SCN7A: variants seen among roughly 807,000 people sequenced by gnomAD.
SCN7A encodes sodium voltage-gated channel alpha subunit 7.
Under a neutral mutation model 155.2 loss-of-function variants are expected in SCN7A, and 138 were observed. That is an observed-to-expected ratio of 0.89 (90% CI 0.77 to 1.02). SCN7A has a LOEUF of 1.02. Among genes scored for constraint, SCN7A ranks in the 50% least tolerant of loss-of-function variants. SCN7A has a pLI of 0.00. For synonymous variants in SCN7A, 693 were observed against 649.0 expected (o/e 1.07, Z -1.03); for missense variants, 2,058 against 1,986.6 (o/e 1.04, Z -0.68).
intron 21 of SCN7A, among the ~76,000 whole-genome samples, chr2:166,414,964 A>G (rs867780442): frequency 3.1e-4 from 37 of 119,298 alleles, no homozygotes; most frequent in East Asian, 4.3e-4. Context: ...ATTATTATAT[A>G]GGATAATATA....
At chr2:166,409,962 A>C in intron 24 of SCN7A, 27 bp from the exon 25 acceptor site, 1 of 1,516,288 alleles carries the variant, frequency 6.6e-7, no homozygotes, top group Non-Finnish European at 8.9e-7. Context: ...CAGGTGTAAT[A>C]GTCTTATTAA....
At position 166,416,838 on chromosome 2, in the gene SCN7A, T is replaced by C; in HGVS notation, c.3283A>G (p.Arg1095Gly). 2 of 1,613,678 alleles carry C rather than the reference T, an allele frequency of 1.2e-6. No individual in the cohort carries two copies. The highest frequency in any genetic ancestry group is 1.7e-6 in the Non-Finnish European group (2 of 1,179,768). ...TTCATGACTTCAGATGAAGGAAACC[T>C]TTCTCCACTTGTTGGGTCAATGCAT... ...YECIDPTSGE[R>G]FPSSEVMNKS... The change falls in exon 21 of 26, where the codon AGG (arginine) becomes GGG (glycine). Residue 1095 changes from arginine to glycine, a missense_variant. Transcript: ENST00000643258.
At chr2:166,433,032 G>T (rs1465001349) in intron 15 of SCN7A, among the ~76,000 whole-genome samples, 1 of 151,970 alleles carries the variant, frequency 6.6e-6, no homozygotes, top group Non-Finnish European at 1.5e-5. Context: ...CCATCATTCT[G>T]CTCTCTACTT....
intron 9 of SCN7A, among the ~76,000 whole-genome samples, chr2:166,463,238 C>T (rs1232400821): frequency 3.3e-5 from 5 of 152,042 alleles, no homozygotes; most frequent in Non-Finnish European, 7.4e-5. Context: ...TTAGGGAGTC[C>T]TCATATTTCT....
At chr2:166,466,514 T>G (rs1313168897) in intron 7 of SCN7A, among the ~76,000 whole-genome samples, 1 of 152,136 alleles carries the variant, frequency 6.6e-6, no homozygotes, top group Non-Finnish European at 1.5e-5. Context: ...AACTCAAACC[T>G]AAAGCTGGCT....
Position 166,441,387 on chromosome 2 carries a change from A to C in SCN7A, c.2157+9T>G. Reference sequence around the variant, plus strand: ...TTTCATGGAAAATGTAAAAGAATTGACTACTTACCAGTAAATTTCCAATTA... The same window carrying C: ...TTTCATGGAAAATGTAAAAGAATTGCCTACTTACCAGTAAATTTCCAATTA... On this transcript the variant is annotated intron_variant, in intron 15 of 25. Transcript: ENST00000643258. 3.2e-6 allele frequency: 5 copies of C among 1,545,094 alleles called. 1 individual carries two copies. The South Asian group carries it at 4.9e-5, about 15-fold the overall frequency.
chr2:166,450,093 A>C (rs553317121), intron 11 of SCN7A, among the ~76,000 whole-genome samples: 2 of 152,346 alleles, frequency 1.3e-5, no homozygotes, highest in African/African-American at 4.8e-5. Context: ...GACTAAATAA[A>C]GAAAATGTAG....
rs1044573742 is a variant in SCN7A at position 166,406,283 on chromosome 2, G to C, written c.4346C>G (p.Ser1449Cys). The change falls in exon 26 of 26, where the codon TCT (serine) becomes TGT (cysteine). Residue 1449 changes from serine to cysteine, a missense_variant. Physicochemically the swap from Ser to Cys is moderately radical, Grantham distance 112. Transcript: ENST00000643258. ...MLDAIFNSKW[S>C]DCDPDKINPG... ...GTTAATTTTATCAGGATCACAGTCA[G>C]ACCATTTACTGTTGAAAATTGCATC... The C allele has an allele frequency of 1.2e-6, 2 of 1,612,986 alleles. No individual in the cohort carries two copies. The highest frequency in any genetic ancestry group is 1.7e-6 in the Non-Finnish European group (2 of 1,179,440).
At chr2:166,444,064 G>A (rs1159147879) in intron 13 of SCN7A, among the ~76,000 whole-genome samples, 1 of 152,068 alleles carries the variant, frequency 6.6e-6, no homozygotes, top group African/African-American at 2.4e-5. Flanking sequence ...TTTAAAAACT[G>A]TACTGGCAGA....
Position 166,405,606 on chromosome 2 carries a change from T to C in SCN7A, c.5023A>G (p.Lys1675Glu). 1 of 1,595,596 alleles carries C rather than the reference T, an allele frequency of 6.3e-7. No homozygotes were observed. Among genetic ancestry groups the C allele is most frequent in the South Asian group, 1.1e-5 (1 of 87,650 alleles). ...TAGATCTGGCTTTGAATAGGTGACT[T>C]TTCCTTAGCTTTGTCAAAATAGGCA... ...EGAYFDKAKE[K>E]SPIQSQI Residue 1675 changes from lysine to glutamate, a missense_variant, in exon 26 of 26, where the codon AAG (lysine) becomes GAG (glutamate). Transcript: ENST00000643258.
At chr2:166,455,754 A>T (rs1043627266) in intron 11 of SCN7A, among the ~76,000 whole-genome samples, 1 of 152,178 alleles carries the variant, frequency 6.6e-6, no homozygotes, top group Non-Finnish European at 1.5e-5. Flanking sequence ...TTTAGCATGA[A>T]GGGGTGTTGA....
intron 15 of SCN7A, among the ~76,000 whole-genome samples, chr2:166,434,838 G>C (rs938101052): frequency 9.2e-5 from 14 of 152,068 alleles, no homozygotes; most frequent in African/African-American, 3.4e-4. Context: ...CAAAAACCAT[G>C]TTTTCTCTTA....
intron 21 of SCN7A, among the ~76,000 whole-genome samples, chr2:166,414,255 G>GATATATATACACACACATATAT (rs1274515498): frequency 9.3e-5 from 5 of 53,988 alleles, no homozygotes; most frequent in Admixed American, 8.6e-4. Flanking sequence ...AATATATATA[G>GATATATATACACACACATATAT]ATATATATAC....
chr2:166,407,679 T>G (rs1444312728), intron 25 of SCN7A, among the ~76,000 whole-genome samples: 1 of 151,912 alleles, frequency 6.6e-6, no homozygotes, highest in African/African-American at 2.4e-5. Flanking sequence ...TTCCTCTACA[T>G]TCTCATCACT....
At chr2:166,457,169 G>A (rs2105466574) in intron 10 of SCN7A, 93 bp from the exon 11 acceptor site, 1 of 833,020 alleles carries the variant, frequency 1.2e-6, no homozygotes, top group East Asian at 2.7e-5. Flanking sequence ...ATTTTATTAG[G>A]AAAATAATAT....
chr2:166,448,552 CTAACTT>C lies in SCN7A; in HGVS notation c.1291-850_1291-845del, dbSNP rs1185270907. Among the ~76,000 whole-genome samples the C allele has an allele frequency of 5.9e-5, 9 of 152,274 alleles. No homozygotes were observed. In the South Asian group the frequency reaches 8.3e-4, roughly 14 times the overall value. ...CCATACTGTTTCCATAATGGCTGTA[CTAACTT>C]ACAATCCCACTAATAGCGTTCCAAA... is the stretch of plus-strand genomic sequence containing the variant. On this transcript the variant is annotated intron_variant, in intron 11 of 25. Transcript: ENST00000643258.
At chr2:166,473,123 C>T (rs762134938) in intron 5 of SCN7A, among the ~76,000 whole-genome samples, 15 of 151,350 alleles carry the variant, frequency 9.9e-5, no homozygotes, top group Admixed American at 6.6e-4. Flanking sequence ...AACCCCATGA[C>T]GCAAGTTTAC....
Position 166,404,909 on chromosome 2 carries a change from GTGAAACT to G in SCN7A, c.*664_*670del, listed in dbSNP as rs1390039016. ...GTCCTGCTTAAGAGCCAGAGCTTAG[GTGAAACT>G]ATCCAGAGATGAGAAACCAGGAGCT... On this transcript the variant is annotated 3_prime_UTR_variant, in exon 26 of 26. Transcript: ENST00000643258. 2.0e-5 allele frequency: 3 copies of G among 150,888 alleles called. No homozygotes were observed. Among genetic ancestry groups the G allele is most frequent in the African/African-American group, 7.3e-5 (3 of 41,034 alleles). 9.3% of individuals were successfully genotyped at this position (150,888 alleles called of 1,614,324 possible).
chr2:166,414,154 T>A (rs1559088319), intron 21 of SCN7A, among the ~76,000 whole-genome samples: 1 of 69,186 alleles, frequency 1.4e-5, no homozygotes, highest in East Asian at 3.7e-4. Flanking sequence ...TATATAAATA[T>A]ATATAATATA....
Sources: allele counts gnomAD v4.1 joint callset (sites outside exome capture counted in the v4.1 genomes callset), GRCh38; gene constraint gnomAD v4.1.1; transcripts MANE v1.5; gene names NCBI Gene and HGNC (gene_info 2026-07-23, HGNC 2026-07-21).